Variants in ARHGAP24 observed in about 807,000 individuals in gnomAD.
The protein encoded by ARHGAP24 is rho GTPase-activating protein 24.
In ARHGAP24, 50 loss-of-function variants were observed where a neutral mutation model predicts 76.4. The observed-to-expected ratio is 0.65, with a 90% CI of 0.52 to 0.83. ARHGAP24 has a LOEUF of 0.83. Ranked by LOEUF, ARHGAP24 falls within the 40% of genes least tolerant of loss-of-function variation. The pLI is 0.00. For missense variants in ARHGAP24, 930 were observed against 914.2 expected (o/e 1.02, Z -0.22); for synonymous variants, 345 against 323.3 (o/e 1.07, Z -0.72).
chr4:85,933,051 C>T (rs1318244458), intron 4 of ARHGAP24, among the ~76,000 whole-genome samples: 1 of 152,142 alleles, frequency 6.6e-6, no homozygotes, highest in Non-Finnish European at 1.5e-5. Flanking sequence ...TAAAACCATG[C>T]CAACTTAAGA....
intron 3 of ARHGAP24, among the ~76,000 whole-genome samples, chr4:85,855,990 G>C (rs567264535): frequency 7.6e-4 from 115 of 152,276 alleles, no homozygotes; most frequent in African/African-American, 2.6e-3. Flanking sequence ...TGTAGAAGAT[G>C]AGTAATTTGC....
chr4:85,511,233 T>C (rs1724270470), intron 1 of ARHGAP24, among the ~76,000 whole-genome samples: 2 of 152,156 alleles, frequency 1.3e-5, no homozygotes, highest in South Asian at 4.1e-4. Context: ...TCTGGAGATC[T>C]TTATGTAACT....
intron 3 of ARHGAP24, among the ~76,000 whole-genome samples, chr4:85,757,538 A>T (rs1241484729): frequency 6.6e-6 from 1 of 152,126 alleles, no homozygotes; most frequent in Non-Finnish European, 1.5e-5. Flanking sequence ...CCTACAAAGG[A>T]CATGAACTCA....
intron 1 of ARHGAP24, among the ~76,000 whole-genome samples, chr4:85,568,419 C>G (rs149462115): frequency 2.3e-4 from 35 of 152,146 alleles, no homozygotes; most frequent in African/African-American, 8.4e-4. Context: ...GATGAAACAG[C>G]AAGTTGTGTA....
intron 3 of ARHGAP24, among the ~76,000 whole-genome samples, chr4:85,853,312 A>G (rs939138112): frequency 7.2e-5 from 11 of 152,188 alleles, no homozygotes; most frequent in African/African-American, 1.4e-4. Context: ...CTGGTGTGCC[A>G]TTTGCTAAGA....
chr4:85,865,589 TA>T (rs1560681397), intron 3 of ARHGAP24, among the ~76,000 whole-genome samples: 1 of 148,272 alleles, frequency 6.7e-6, no homozygotes, highest in Non-Finnish European at 1.5e-5. Context: ...ATAATTTTAA[TA>T]AAAATAAAAT....
intron 1 of ARHGAP24, among the ~76,000 whole-genome samples, chr4:85,482,084 G>A (rs1265752700): frequency 6.6e-6 from 1 of 152,144 alleles, no homozygotes; most frequent in African/African-American, 2.4e-5. Flanking sequence ...TTTCTTATAT[G>A]GAGAAGCTTC....
intron 8 of ARHGAP24, among the ~76,000 whole-genome samples, chr4:85,986,077 A>G (rs1739973605): frequency 6.6e-6 from 1 of 152,202 alleles, no homozygotes; most frequent in Non-Finnish European, 1.5e-5. Flanking sequence ...ACTGACATGA[A>G]TTCTATTGAA....
chr4:85,980,238 C>T (rs564777130), intron 8 of ARHGAP24, among the ~76,000 whole-genome samples: 28 of 152,320 alleles, frequency 1.8e-4, no homozygotes, highest in Middle Eastern at 6.8e-3. Flanking sequence ...ATGCACACTA[C>T]ATGTGTACAT....
intron 2 of ARHGAP24, among the ~76,000 whole-genome samples, chr4:85,665,211 A>G (rs1722565187): frequency 6.6e-6 from 1 of 152,098 alleles, no homozygotes; most frequent in Non-Finnish European, 1.5e-5. Context: ...TATTGGGTGC[A>G]TATATATTTA....
chr4:85,627,768 G>C (rs746128358), intron 2 of ARHGAP24, among the ~76,000 whole-genome samples: 17 of 152,094 alleles, frequency 1.1e-4, no homozygotes, highest in Non-Finnish European at 1.8e-4. Context: ...ACAACTAACT[G>C]GGCCATGGCA....
At chr4:85,683,960 G>T (rs183073070) in intron 2 of ARHGAP24, among the ~76,000 whole-genome samples, 91 of 151,978 alleles carry the variant, frequency 6.0e-4, no homozygotes, top group African/African-American at 2.1e-3. Flanking sequence ...ATATTCCATT[G>T]TATATATATA....
chr4:85,752,110 G>T (rs993619410), intron 3 of ARHGAP24, among the ~76,000 whole-genome samples: 15 of 152,122 alleles, frequency 9.9e-5, no homozygotes, highest in African/African-American at 2.9e-4. Context: ...AACCATTTCT[G>T]CCCTGAAGAT....
chr4:85,612,145 G>A (rs943789960), intron 2 of ARHGAP24, among the ~76,000 whole-genome samples: 3 of 150,520 alleles, frequency 2.0e-5, no homozygotes, highest in Non-Finnish European at 2.9e-5. Flanking sequence ...GCTGCCGGGC[G>A]CGGTGGCTCA....
chr4:85,776,114 G>A (rs944952180), intron 3 of ARHGAP24, among the ~76,000 whole-genome samples: 2 of 152,098 alleles, frequency 1.3e-5, no homozygotes, highest in Admixed American at 1.3e-4. Flanking sequence ...TCTAGTAGCT[G>A]TTCATGCAGT....
intron 3 of ARHGAP24, among the ~76,000 whole-genome samples, chr4:85,848,277 G>A (rs1244151241): frequency 2.0e-5 from 3 of 152,130 alleles, no homozygotes; most frequent in Non-Finnish European, 4.4e-5. Flanking sequence ...TTGGTTTGCT[G>A]CACCCATTAA....
chr4:85,965,307 T>A (rs1053293123), intron 5 of ARHGAP24, among the ~76,000 whole-genome samples: 1 of 152,040 alleles, frequency 6.6e-6, no homozygotes, highest in Non-Finnish European at 1.5e-5. Context: ...TTCACTATCA[T>A]GAGAACAGCA....
rs144978781 is a variant in ARHGAP24 at position 85,809,313 on chromosome 4, G to A, written c.268+87341G>A. Among the ~76,000 whole-genome samples the A allele has an allele frequency of 9.9e-3, 1,507 of 151,948 alleles. 27 individuals are homozygous for A. The highest frequency in any genetic ancestry group is 0.034 in the African/African-American group (1,408 of 41,426). ...AGTGAACTCTTCCATTTAAATAGAT[G>A]GAGAATAAATATATTATTGTAAAAA... On this transcript the variant is annotated intron_variant, in intron 3 of 9. Coordinates refer to ENST00000395184, the MANE Select transcript of ARHGAP24 (RefSeq NM_001025616.3).
intron 2 of ARHGAP24, among the ~76,000 whole-genome samples, chr4:85,607,406 GAGAA>G (rs1233774533): frequency 6.6e-6 from 1 of 151,936 alleles, no homozygotes; most frequent in Non-Finnish European, 1.5e-5. Flanking sequence ...GAGAGAAAGA[GAGAA>G]AGAGAGAAAA....
Sources: allele counts gnomAD v4.1 joint callset (sites outside exome capture counted in the v4.1 genomes callset), GRCh38; gene constraint gnomAD v4.1.1; transcripts MANE v1.5; gene names NCBI Gene and HGNC (gene_info 2026-07-23, HGNC 2026-07-21).